The following RANBP17 variants were observed in gnomAD, a reference collection of about 807,000 sequenced individuals.
RANBP17 encodes RAN binding protein 17, also known as ran-binding protein 17.
A neutral mutation model predicts 141.2 loss-of-function variants in RANBP17; 158 were observed. The observed-to-expected ratio is 1.12, with a 90% confidence interval of 0.98 to 1.28. The LOEUF (loss-of-function observed/expected upper bound fraction) is 1.28, where lower values mean the gene tolerates loss of function less well. Among genes scored for constraint, RANBP17 ranks in the 50% most tolerant of loss-of-function variants. The pLI is 0.00. For missense variants in RANBP17, 1,438 were observed against 1,290.7 expected, an observed-to-expected ratio of 1.11 and a Z score of -1.75; for synonymous variants, 430 against 450.0, an observed-to-expected ratio of 0.96 and a Z score of 0.56.
intron 1 of RANBP17, among the ~76,000 whole-genome samples, chr5:170,869,947 A>C (rs535120876): frequency 6.6e-6 from 1 of 152,314 alleles, no homozygotes; most frequent in African/African-American, 2.4e-5. Context: ...TGAGATTGGC[A>C]CTGTTACTAG....
intron 1 of RANBP17, among the ~76,000 whole-genome samples, chr5:170,864,885 G>C (rs1767108136): frequency 6.6e-6 from 1 of 152,334 alleles, no homozygotes; most frequent in African/African-American, 2.4e-5. Context: ...ACTTGAATGG[G>C]AGAAACTATG....
At position 170,988,278 on chromosome 5, in the gene RANBP17, T is replaced by C. The variant is rs375233638; in HGVS notation, c.1710+19901T>C. Among the ~76,000 whole-genome samples, 61 of 151,274 alleles carry C rather than the reference T, an allele frequency of 4.0e-4. 1 individual carries two copies. In the South Asian group the frequency reaches 0.012, roughly 30 times the overall value. Reference sequence around the variant, plus strand: ...GGATTGTTCTCGAGTAATTATAGTTTGATGATTGATTTTTTTTTTTTAAGT... The same window carrying C: ...GGATTGTTCTCGAGTAATTATAGTTCGATGATTGATTTTTTTTTTTTAAGT... On this transcript the variant is annotated intron_variant, in intron 14 of 27. Coordinates refer to ENST00000523189, the MANE Select transcript of RANBP17 (RefSeq NM_022897.5).
At chr5:170,964,726 C>A (rs1776417577) in intron 13 of RANBP17, among the ~76,000 whole-genome samples, 2 of 152,166 alleles carry the variant, frequency 1.3e-5, no homozygotes, top group Admixed American at 6.5e-5. Flanking sequence ...AGGACATGAA[C>A]TCATCATTTT....
chr5:171,061,398 T>G (rs2127672573), intron 14 of RANBP17, among the ~76,000 whole-genome samples: 1 of 152,236 alleles, frequency 6.6e-6, no homozygotes, highest in South Asian at 2.1e-4. Context: ...CATCTTTATT[T>G]CTGCCTTCAT....
At chr5:171,279,458 G>A (rs1051042604) in intron 25 of RANBP17, among the ~76,000 whole-genome samples, 1 of 152,146 alleles carries the variant, frequency 6.6e-6, no homozygotes, top group African/African-American at 2.4e-5. Context: ...AAGAGCACCA[G>A]GAGGCCAAAC....
rs557194236 is a variant in RANBP17, at chr5:171,183,287, G to A, written c.1930-35G>A. The stretch of plus-strand genomic sequence containing the variant: ...ATTTTACGAATAGTTGAGGTAAAGT[G>A]TTAGTAACTTGGATTACTCTTTTGC... On this transcript the variant is annotated intron_variant, in intron 17 of 27. Coordinates refer to ENST00000523189, the MANE Select transcript of RANBP17 (RefSeq NM_022897.5). The A allele has an allele frequency of 9.9e-5, 156 of 1,581,414 alleles. 2 individuals carry two copies. In the South Asian group the frequency reaches 1.5e-3, roughly 15 times the overall value.
intron 19 of RANBP17, 26 bp downstream of exon 19, chr5:171,199,799 A>G (rs770100008): frequency 7.6e-6 from 11 of 1,438,112 alleles, no homozygotes; most frequent in Non-Finnish European, 9.7e-6. Context: ...AATATGAGGA[A>G]TGACAGTTTT....
chr5:170,878,640 C>G lies in RANBP17; in HGVS notation c.165+397C>G, dbSNP rs369706242. The stretch of plus-strand genomic sequence containing the variant: ...AGCATGCTGATTACCTCTTGCCTGC[C>G]TCCCATCTAGATATTCATAGTCTAG... On this transcript the variant is annotated intron_variant, in intron 2 of 27. Coordinates refer to ENST00000523189, the MANE Select transcript of RANBP17 (RefSeq NM_022897.5). 4.1e-4 allele frequency among the ~76,000 whole-genome samples: 63 copies of G among 152,258 alleles called. 1 individual carries two copies. The South Asian group carries it at 0.013, about 31-fold the overall frequency.
intron 5 of RANBP17, among the ~76,000 whole-genome samples, chr5:170,902,107 G>A (rs1770695545): frequency 6.6e-6 from 1 of 152,162 alleles, no homozygotes; most frequent in South Asian, 2.1e-4. Context: ...ATAATATCCT[G>A]AAGTGTGTTT....
chr5:171,185,714 T>G (rs971125818), intron 18 of RANBP17, among the ~76,000 whole-genome samples: 2 of 152,214 alleles, frequency 1.3e-5, no homozygotes, highest in Admixed American at 6.5e-5. Flanking sequence ...AGTTACTTCC[T>G]GCCCTGAAGT....
At chr5:171,008,505 T>C (rs944227160) in intron 14 of RANBP17, among the ~76,000 whole-genome samples, 2 of 151,694 alleles carry the variant, frequency 1.3e-5, no homozygotes, top group Admixed American at 6.5e-5. Context: ...AGGCTGAGTC[T>C]GAAAAGAGAG....
intron 24 of RANBP17, among the ~76,000 whole-genome samples, chr5:171,245,542 G>A (rs893564824): frequency 6.6e-6 from 1 of 152,096 alleles, no homozygotes; most frequent in Non-Finnish European, 1.5e-5. Context: ...TCGAACTCCC[G>A]ACCTTGGATG....
At chr5:170,895,730 C>A (rs571639990) in intron 4 of RANBP17, among the ~76,000 whole-genome samples, 1 of 152,130 alleles carries the variant, frequency 6.6e-6, no homozygotes, top group South Asian at 2.1e-4. Context: ...AAGCTAAATT[C>A]TTGTATTTTG....
At chr5:171,054,066 G>A (rs553752121) in intron 14 of RANBP17, among the ~76,000 whole-genome samples, 172 of 151,512 alleles carry the variant, frequency 1.1e-3, no homozygotes, top group African/African-American at 3.9e-3. Context: ...AGCCATTCTA[G>A]CTATCTTTTA....
intron 14 of RANBP17, among the ~76,000 whole-genome samples, chr5:171,047,689 C>T (rs555981556): frequency 6.6e-6 from 1 of 152,260 alleles, no homozygotes; most frequent in East Asian, 1.9e-4. Flanking sequence ...CCGCCTGCCT[C>T]AGCCTCCCAA....
intron 26 of RANBP17, 142 bp downstream of exon 26, chr5:171,294,123 G>A (rs1768675470): frequency 4.6e-6 from 3 of 658,340 alleles, no homozygotes; most frequent in South Asian, 1.7e-5. Flanking sequence ...CTGTGAGGCT[G>A]TATTCCCCTA....
intron 14 of RANBP17, among the ~76,000 whole-genome samples, chr5:171,043,532 C>T (rs1158761731): frequency 6.6e-6 from 1 of 152,122 alleles, no homozygotes; most frequent in Non-Finnish European, 1.5e-5. Context: ...TGTTAGATGA[C>T]ACTGCCTCAG....
At chr5:170,874,207 A>G (rs538859711) in intron 1 of RANBP17, among the ~76,000 whole-genome samples, 2 of 152,198 alleles carry the variant, frequency 1.3e-5, no homozygotes, top group African/African-American at 4.8e-5. Context: ...TGAGACTGTT[A>G]TGATTTCAGT....
intron 25 of RANBP17, among the ~76,000 whole-genome samples, chr5:171,268,630 G>A (rs1766894730): frequency 6.6e-6 from 1 of 151,806 alleles, no homozygotes. Context: ...GAAGGTTGAG[G>A]ATCACTGACT....
Sources: allele counts gnomAD v4.1 joint callset (sites outside exome capture counted in the v4.1 genomes callset), GRCh38; gene constraint gnomAD v4.1.1; transcripts MANE v1.5; gene names NCBI Gene and HGNC (gene_info 2026-07-23, HGNC 2026-07-21).